Variants in PRSS35 observed in about 807,000 individuals in gnomAD.
PRSS35 encodes the protein serine protease 35.
In PRSS35, 7 loss-of-function variants were observed where a neutral mutation model predicts 8.1. The ratio of observed to expected loss-of-function variants is 0.86; its 90% CI spans 0.49 to 1.62. PRSS35 has a LOEUF of 1.62. Among genes scored for constraint, PRSS35 ranks in the 40% most tolerant of loss-of-function variants. The pLI, the probability that PRSS35 is intolerant of heterozygous loss-of-function variation, is 0.00. For synonymous variants in PRSS35, 199 were observed against 188.7 expected (o/e 1.05, Z -0.45); for missense variants, 566 against 518.0 (o/e 1.09, Z -0.90).
At chr6:83,515,876 C>T (rs757689335) in intron 1 of PRSS35, among the ~76,000 whole-genome samples, 5 of 151,934 alleles carry the variant, frequency 3.3e-5, no homozygotes, top group East Asian at 1.9e-4. Flanking sequence ...AGTGCAATGG[C>T]GTGATCTCAC....
At position 83,525,579 on chromosome 6, in the gene PRSS35, A is replaced by G. The variant is rs1198285829; in HGVS notation, c.*896A>G. The G allele has an allele frequency of 6.0e-6, 1 of 167,132 alleles. No individual in the cohort carries two copies. The highest frequency in any genetic ancestry group is 3.1e-3 in the Middle Eastern group (1 of 318). 10.4% of individuals were successfully genotyped at this position (167,132 alleles called of 1,614,324 possible). ...AAAGAATTCTGTAATCTTTTTCAAGAAAGAGTCTTTTTCTCCTTGACAAAA... is the reference window on the plus strand; with the variant it reads ...AAAGAATTCTGTAATCTTTTTCAAGGAAGAGTCTTTTTCTCCTTGACAAAA... On this transcript the variant is annotated 3_prime_UTR_variant, in exon 2 of 2. Transcript: ENST00000369700.
intron 1 of PRSS35, among the ~76,000 whole-genome samples, chr6:83,517,433 C>A (rs1398498998): frequency 6.6e-6 from 1 of 152,086 alleles, no homozygotes; most frequent in Non-Finnish European, 1.5e-5. Flanking sequence ...CATAAGATAC[C>A]CCCTCTCCTC....
chr6:83,513,020 GA>G (rs1418004358), intron 1 of PRSS35, among the ~76,000 whole-genome samples: 1 of 152,184 alleles, frequency 6.6e-6, no homozygotes, highest in Non-Finnish European at 1.5e-5. Context: ...ACGCATTCCT[GA>G]AAAGTCTCTT....
At chr6:83,518,561 A>G (rs754529203) in intron 1 of PRSS35, among the ~76,000 whole-genome samples, 4 of 152,024 alleles carry the variant, frequency 2.6e-5, no homozygotes, top group African/African-American at 4.8e-5. Context: ...TTAGGAAAGC[A>G]TTCATTTGGG....
chr6:83,524,546 G>A lies in PRSS35; in HGVS notation c.1105G>A (p.Val369Ile). 3.7e-6 allele frequency: 6 copies of A among 1,614,162 alleles called. No homozygotes were observed. Among genetic ancestry groups the A allele is most frequent in the Non-Finnish European group, 5.1e-6 (6 of 1,180,032 alleles). ...KKNWKRKIIA[V>I]YSGHQWVDVH... ...GAATTGGAAGCGCAAAATCATTGCG[G>A]TCTACTCAGGGCACCAGTGGGTGGA... is the stretch of plus-strand genomic sequence containing the variant. Residue 369 changes from valine to isoleucine, a missense_variant, in exon 2 of 2, where the codon GTC becomes ATC. Physicochemically the swap from Val to Ile is conservative, Grantham distance 29 (BLOSUM62 3). Transcript: ENST00000369700.
chr6:83,518,085 A>G (rs574984228), intron 1 of PRSS35, among the ~76,000 whole-genome samples: 1 of 152,232 alleles, frequency 6.6e-6, no homozygotes, highest in Non-Finnish European at 1.5e-5. Flanking sequence ...AGGTCCTTCA[A>G]TGGTAAGTCA....
At chr6:83,514,946 T>C (rs901615208) in intron 1 of PRSS35, among the ~76,000 whole-genome samples, 1 of 152,180 alleles carries the variant, frequency 6.6e-6, no homozygotes, top group African/African-American at 2.4e-5. Flanking sequence ...AGTTAAAAGT[T>C]TTGCCCCTGC....
At position 83,524,838 on chromosome 6, in the gene PRSS35, A is replaced by G; in HGVS notation, c.*155A>G. On this transcript the variant is annotated 3_prime_UTR_variant, in exon 2 of 2. Coordinates refer to ENST00000369700, the MANE Select transcript of PRSS35 (RefSeq NM_153362.3). ...AATCAGGAGATTTTCGTCCATTTAA[A>G]AAATGTATAGGTGCAGATATTGAAA... The G allele has an allele frequency of 1.2e-6, 1 of 833,006 alleles. No homozygotes were observed. Among genetic ancestry groups the G allele is most frequent in the East Asian group, 2.7e-5 (1 of 36,642 alleles). 51.6% of individuals were successfully genotyped at this position (833,006 alleles called of 1,614,324 possible). A position where few individuals can be genotyped will look rare whatever the true frequency, so the allele number is the denominator to read the frequency against.
chr6:83,513,641 T>A (rs1326485691), intron 1 of PRSS35, among the ~76,000 whole-genome samples: 1 of 152,216 alleles, frequency 6.6e-6, no homozygotes, highest in Non-Finnish European at 1.5e-5. Flanking sequence ...AGGCCAAGTA[T>A]CATATGGAAT....
chr6:83,518,169 T>G (rs1317005118), intron 1 of PRSS35, among the ~76,000 whole-genome samples: 1 of 152,224 alleles, frequency 6.6e-6, no homozygotes, highest in African/African-American at 2.4e-5. Flanking sequence ...CATCTAATCT[T>G]TCATTAGTTT....
Position 83,525,016 on chromosome 6 carries a change from T to C in PRSS35, c.*333T>C, listed in dbSNP as rs558355934. On this transcript the variant is annotated 3_prime_UTR_variant, in exon 2 of 2. Coordinates refer to ENST00000369700, the MANE Select transcript of PRSS35 (RefSeq NM_153362.3). The stretch of plus-strand genomic sequence containing the variant: ...AACATGTGACTCCTTAATGGACTTA[T>C]TCTCAGGGTCCTACTCTAAGAAGAA... The C allele has an allele frequency of 2.6e-5, 6 of 233,266 alleles. No homozygotes were observed. The highest frequency in any genetic ancestry group is 4.6e-5 in the African/African-American group (2 of 43,472). 14.4% of individuals were successfully genotyped at this position (233,266 alleles called of 1,614,324 possible). A position where few individuals can be genotyped will look rare whatever the true frequency, so the allele number is the denominator to read the frequency against.
At position 83,518,972 on chromosome 6, in the gene PRSS35, A is replaced by G. The variant is rs182375201; in HGVS notation, c.-20-4450A>G. ...TGCACATGCCTCATAAGTGGTGAAA[A>G]GGGAATTGAACCCAAGCCTTCCCAC... On this transcript the variant is annotated intron_variant, in intron 1 of 1. Coordinates refer to ENST00000369700, the MANE Select transcript of PRSS35 (RefSeq NM_153362.3). Among the ~76,000 whole-genome samples, 3 of 152,298 alleles carry G rather than the reference A, an allele frequency of 2.0e-5. 1 individual carries two copies. In the East Asian group the frequency reaches 5.8e-4, roughly 29 times the overall value.
At position 83,514,207 on chromosome 6, in the gene PRSS35, GA is replaced by G. The variant is rs1397815586; in HGVS notation, c.-21+1518del. On this transcript the variant is annotated intron_variant, in intron 1 of 1. Transcript: ENST00000369700. The stretch of plus-strand genomic sequence containing the variant: ...ATTCTTTGCTCTCAAAGGCCAACTT[GA>G]AAAATACAGATAAGTCTAGAGCTAT... Among the ~76,000 whole-genome samples the G allele has an allele frequency of 7.2e-5, 11 of 152,280 alleles. No homozygotes were observed. The East Asian group carries it at 1.7e-3, about 24-fold the overall frequency.
chr6:83,520,655 G>T (rs1165275273), intron 1 of PRSS35, among the ~76,000 whole-genome samples: 1 of 152,160 alleles, frequency 6.6e-6, no homozygotes, highest in African/African-American at 2.4e-5. Context: ...TACCAAGCCA[G>T]GTTTCAAATA....
chr6:83,523,310 A>G (rs879720539), intron 1 of PRSS35, 112 bp from the exon 2 acceptor site: 1 of 779,536 alleles, frequency 1.3e-6, no homozygotes, highest in Non-Finnish European at 2.0e-6. Context: ...AGGTGAAAAT[A>G]AGGACACCTC....
rs70987760 is a variant in PRSS35, at chr6:83,516,575, C to CAA, written c.-21+3900_-21+3901dup. Reference sequence around the variant, plus strand: ...TGGGCGACTGAGAGAGACTGCGTCTCAAAAAAAAAAAAAAAAAAAAGAAAT... The same window carrying CAA: ...TGGGCGACTGAGAGAGACTGCGTCTCAAAAAAAAAAAAAAAAAAAAAAGAAAT... On this transcript the variant is annotated intron_variant, in intron 1 of 1. Transcript: ENST00000369700. Among the ~76,000 whole-genome samples the CAA allele has an allele frequency of 9.2e-4, 94 of 101,836 alleles. 1 individual carries two copies. The highest frequency in any genetic ancestry group is 2.9e-3 in the African/African-American group (79 of 26,814). The allele number at this position is 101,836 out of a possible 152,430, so 66.8% of individuals were successfully genotyped here.
rs78077090 is a variant in PRSS35 at position 83,514,199 on chromosome 6, G to A, written c.-21+1505G>A. Among the ~76,000 whole-genome samples, 1,143 of 152,202 alleles carry A rather than the reference G, an allele frequency of 7.5e-3. 5 individuals are homozygous for A. Among genetic ancestry groups the A allele is most frequent in the Non-Finnish European group, 0.012 (821 of 68,006 alleles). On this transcript the variant is annotated intron_variant, in intron 1 of 1. Coordinates refer to ENST00000369700, the MANE Select transcript of PRSS35 (RefSeq NM_153362.3). ...TTATAGATATTCTTTGCTCTCAAAG[G>A]CCAACTTGAAAAATACAGATAAGTC...
At chr6:83,522,533 G>A (rs891839388) in intron 1 of PRSS35, among the ~76,000 whole-genome samples, 1 of 152,206 alleles carries the variant, frequency 6.6e-6, no homozygotes, top group East Asian at 1.9e-4. Flanking sequence ...GGTGAAAAGG[G>A]ACTATATCTA....
chr6:83,524,098 C>T lies in PRSS35; in HGVS notation c.657C>T (p.Thr219=), dbSNP rs1482972337. 1.2e-6 allele frequency: 2 copies of T among 1,613,792 alleles called. No homozygotes were observed. The highest frequency in any genetic ancestry group is 3.3e-5 in the Admixed American group (2 of 59,996). Residue 219 remains threonine, a synonymous_variant, in exon 2 of 2, where the codon ACC becomes ACT. Transcript: ENST00000369700. ...EASGGDQREG[T]REHLRERAKG... ...GTGGTGGTGACCAAAGAGAGGGTAC[C>T]AGAGAGCATCTGCGGGAGAGAGCGA... is the stretch of plus-strand genomic sequence containing the variant.
Sources: gnomAD v4.1 joint callset for allele counts (sites outside exome capture counted in the v4.1 genomes callset) on GRCh38, gnomAD v4.1.1 for gene constraint, MANE v1.5 for transcripts, NCBI Gene and HGNC (gene_info 2026-07-23, HGNC 2026-07-21) for gene names.